The following IGHMBP2 variants were observed in gnomAD, a reference collection of about 807,000 sequenced individuals.
IGHMBP2 encodes the protein DNA-binding protein SMUBP-2.
A neutral mutation model predicts 96.0 loss-of-function variants in IGHMBP2; 81 were observed. That is an observed-to-expected ratio of 0.84 (90% CI 0.71 to 1.01). The LOEUF is 1.01. IGHMBP2 is among the 50% of genes least tolerant of loss of function. IGHMBP2 has a pLI of 0.00. For synonymous variants in IGHMBP2, 557 were observed against 548.9 expected (o/e 1.01, Z -0.21); for missense variants, 1,227 against 1,306.3 (o/e 0.94, Z 0.94).
At chr11:68,913,580 A>T (rs1311967732) in intron 5 of IGHMBP2, among the ~76,000 whole-genome samples, 1 of 151,582 alleles carries the variant, frequency 6.6e-6, no homozygotes, top group African/African-American at 2.4e-5. Flanking sequence ...AAGTGCTGGG[A>T]TTACAGGCAT....
At chr11:68,921,016 C>CA (rs1301589159) in intron 7 of IGHMBP2, among the ~76,000 whole-genome samples, 3 of 152,156 alleles carry the variant, frequency 2.0e-5, no homozygotes, top group African/African-American at 7.2e-5. Context: ...AGGCTGGTCT[C>CA]AAACTCCTGG....
intron 6 of IGHMBP2, among the ~76,000 whole-genome samples, chr11:68,916,071 G>C (rs1858655567): frequency 6.7e-6 from 1 of 148,852 alleles, no homozygotes; most frequent in Non-Finnish European, 1.5e-5. Flanking sequence ...CCACTTGGGA[G>C]GCTGAGGCAG....
At chr11:68,930,983 C>T (rs1859274550) in intron 8 of IGHMBP2, among the ~76,000 whole-genome samples, 1 of 152,170 alleles carries the variant, frequency 6.6e-6, no homozygotes, top group Non-Finnish European at 1.5e-5. Flanking sequence ...AAGGATGTGC[C>T]AATTGGTCCA....
In IGHMBP2 at chr11:68,914,836, C is replaced by T. The variant is rs771853653; in HGVS notation, c.725C>T (p.Ala242Val). Residue 242 changes from alanine to valine, a missense_variant, in exon 6 of 15, where the codon GCC becomes GTC. Transcript: ENST00000255078. ...VKQGLKVLCC[A>V]PSNIAVDNLV... ...TGCGGTTCCCAGGTTCTGTGCTGCG[C>T]CCCCTCCAACATCGCCGTGGACAAT... 2.5e-6 allele frequency: 4 copies of T among 1,614,228 alleles called. No individual in the cohort carries two copies. Among genetic ancestry groups the T allele is most frequent in the Non-Finnish European group, 1.7e-6 (2 of 1,180,036 alleles).
chr11:68,920,548 T>C (rs1221890261), intron 7 of IGHMBP2, among the ~76,000 whole-genome samples: 2 of 152,256 alleles, frequency 1.3e-5, no homozygotes, highest in African/African-American at 4.8e-5. Flanking sequence ...AGTGGTGCAA[T>C]CATGGCTCCC....
rs944909888 is a variant in IGHMBP2 at position 68,940,255 on chromosome 11, T to TTCC, written c.*525_*527dup. On this transcript the variant is annotated 3_prime_UTR_variant, in exon 15 of 15. Transcript: ENST00000255078. ...CTTCTGTCTGCTGGTGACTGCAGTG[T>TTCC]TCCCCCTCCTCCTCACCACGGGGCT... The TTCC allele has an allele frequency of 3.1e-5, 5 of 160,336 alleles. No individual in the cohort carries two copies. The highest frequency in any genetic ancestry group is 4.8e-5 in the African/African-American group (2 of 41,552). The allele number at this position is 160,336 out of a possible 1,614,324, so 9.9% of individuals were successfully genotyped here.
chr11:68,910,505 G>A (rs573402475), intron 4 of IGHMBP2, among the ~76,000 whole-genome samples: 10 of 152,342 alleles, frequency 6.6e-5, no homozygotes, highest in East Asian at 3.9e-4. Context: ...TCCGATAGGC[G>A]TCTCTGTGTA....
In IGHMBP2 at chr11:68,933,294, C is replaced by T. The variant is rs191443556; in HGVS notation, c.1236-5C>T. 4.7e-5 allele frequency: 75 copies of T among 1,610,998 alleles called. No individual in the cohort carries two copies. The highest frequency in any genetic ancestry group is 1.5e-4 in the Admixed American group (9 of 59,740). ...GCCTTCCCCCTTTCTCCCTCCTGGG[C>T]GCAGGGCTGCGCTGGCAGGACTGTC... is the stretch of plus-strand genomic sequence containing the variant. On this transcript the variant is annotated splice_region_variant and splice_polypyrimidine_tract_variant and intron_variant, in intron 8 of 14. Transcript: ENST00000255078.
chr11:68,913,931 G>A (rs1310520259), intron 5 of IGHMBP2, among the ~76,000 whole-genome samples: 1 of 152,156 alleles, frequency 6.6e-6, no homozygotes, highest in Middle Eastern at 3.2e-3. Flanking sequence ...TATTGCCAAG[G>A]AAGAGGCTTT....
intron 7 of IGHMBP2, among the ~76,000 whole-genome samples, chr11:68,922,397 G>A (rs1336822550): frequency 6.6e-6 from 1 of 151,952 alleles, no homozygotes; most frequent in Non-Finnish European, 1.5e-5. Context: ...GGTGCTATTT[G>A]CTTCATGTTT....
intron 4 of IGHMBP2, among the ~76,000 whole-genome samples, chr11:68,910,949 TC>T (rs1425136750): frequency 6.6e-6 from 1 of 151,566 alleles, no homozygotes; most frequent in Non-Finnish European, 1.5e-5. Flanking sequence ...AGAAACACGA[TC>T]CTAGAATTTG....
In IGHMBP2 at chr11:68,914,054, G is replaced by T. The variant is rs1850779173; in HGVS notation, c.712-769G>T. Among the ~76,000 whole-genome samples, 3 of 152,268 alleles carry T rather than the reference G, an allele frequency of 2.0e-5. No individual in the cohort carries two copies. The South Asian group carries it at 6.2e-4, about 32-fold the overall frequency. On this transcript the variant is annotated intron_variant, in intron 5 of 14. Coordinates refer to ENST00000255078, the MANE Select transcript of IGHMBP2 (RefSeq NM_002180.3). ...AAATGTAGCAATGTGTAAAAAACAG[G>T]AACTAGGGAGGGCAAGGAGGCACCT...
At chr11:68,908,680 A>G (rs776429150) in intron 4 of IGHMBP2, 49 bp downstream of exon 4, 1 of 1,285,232 alleles carries the variant, frequency 7.8e-7, no homozygotes, top group African/African-American at 1.5e-5. Flanking sequence ...TACTGAAAGT[A>G]TAGAGAACAG....
intron 8 of IGHMBP2, chr11:68,930,253 G>C (rs1182210833): frequency 7.8e-7 from 1 of 1,278,238 alleles, no homozygotes; most frequent in Non-Finnish European, 1.0e-6. Context: ...ACTTCCACCG[G>C]GGGAAGATTG....
rs767244307 is a variant in IGHMBP2, at chr11:68,908,208, C to A, written c.320C>A (p.Thr107Asn). Residue 107 changes from threonine to asparagine, a missense_variant, in exon 3 of 15, where the codon ACC (threonine) becomes AAC (asparagine). By Grantham distance (65) the Thr-to-Asn change is moderately conservative. Around this residue, in one of 3 missense-constraint regions of IGHMBP2, gnomAD observed 507 missense variants for 496.9 expected, o/e 1.02. Transcript: ENST00000255078. The stretch of plus-strand genomic sequence containing the variant: ...AGTCAGCTGGCCACTGGGATCTTGA[C>A]CCGGGTCACCCAGAAGTCGGTCACG... Reference protein sequence around the residue: ...EGSQLATGILTRVTQKSVTVA... With the variant: ...EGSQLATGILNRVTQKSVTVA... 1.2e-6 allele frequency: 2 copies of A among 1,613,982 alleles called. No homozygotes were observed. The highest frequency in any genetic ancestry group is 4.5e-5 in the East Asian group (2 of 44,878).
intron 1 of IGHMBP2, 79 bp from the exon 2 acceptor site, chr11:68,905,990 T>C: frequency 7.2e-7 from 1 of 1,396,424 alleles, no homozygotes; most frequent in Admixed American, 1.7e-5. Context: ...TCTATGTTTC[T>C]TTCTCTTTTA....
rs3750977 is a variant in IGHMBP2, at chr11:68,939,632, G to A, written c.2883G>A (p.Leu961=). The A allele has an allele frequency of 3.0e-4, 476 of 1,613,562 alleles. 11 individuals are homozygous for A. The East Asian group carries it at 0.01, about 35-fold the overall frequency. Residue 961 remains leucine, a synonymous_variant, in exon 15 of 15, where the codon CTG becomes CTA. Coordinates refer to ENST00000255078, the MANE Select transcript of IGHMBP2 (RefSeq NM_002180.3). The part of the protein sequence containing the change: ...YAGSGTKNGS[L]DPAKRAQLQR... ...GCAGCGGGACCAAGAACGGATCCCT[G>A]GACCCAGCCAAGAGGGCCCAGCTGC...
rs61731907 is a variant in IGHMBP2 at position 68,933,798 on chromosome 11, C to A, written c.1422C>A (p.Asp474Glu). 2.2e-4 allele frequency: 359 copies of A among 1,611,576 alleles called. 2 individuals are homozygous for A. The highest frequency in any genetic ancestry group is 5.7e-4 in the Admixed American group (34 of 59,918). Residue 474 changes from aspartate (D) to glutamate (E), a missense_variant, in exon 10 of 15, where the codon GAC (aspartate) becomes GAA (glutamate). Transcript: ENST00000255078. ...HSSVARHLLRDLPGVAATEET... is the reference protein window; with the variant it reads ...HSSVARHLLRELPGVAATEET... Reference sequence around the variant, plus strand: ...TCCCTCTCTGCCTGTGTGCCAGGGACCTCCCAGGTGTGGCTGCCACAGAAG... The same window carrying A: ...TCCCTCTCTGCCTGTGTGCCAGGGAACTCCCAGGTGTGGCTGCCACAGAAG...
chr11:68,933,981 CA>C, intron 10 of IGHMBP2, 68 bp downstream of exon 10: 2 of 1,108,094 alleles, frequency 1.8e-6, no homozygotes, highest in African/African-American at 1.5e-5. Flanking sequence ...AAATAAAAGG[CA>C]CTTTAATTGC....
Sources: gnomAD v4.1 joint callset for allele counts (sites outside exome capture counted in the v4.1 genomes callset) on GRCh38, gnomAD v4.1.1 for gene constraint, gnomAD v4.1.1 regional missense constraint, MANE v1.5 for transcripts, NCBI Gene and HGNC (gene_info 2026-07-23, HGNC 2026-07-21) for gene names.